Variants in MRPL48 observed in about 807,000 individuals in gnomAD.
MRPL48 encodes large ribosomal subunit protein mL48.
A neutral mutation model predicts 32.9 loss-of-function variants in MRPL48; 16 were observed. The observed-to-expected ratio is 0.49, with a 90% CI of 0.33 to 0.74. The LOEUF is 0.74. MRPL48 is among the 30% of genes least tolerant of loss of function. The probability of loss-of-function intolerance (pLI) is 0.02; values close to 1 mark genes in which losing one functional copy is unlikely to be tolerated. For synonymous variants in MRPL48, 94 were observed against 89.2 expected (o/e 1.05, Z -0.31); for missense variants, 206 against 245.3 (o/e 0.84, Z 1.07).
intron 1 of MRPL48, among the ~76,000 whole-genome samples, chr11:73,795,810 C>G (rs537982527): frequency 6.6e-6 from 1 of 152,060 alleles, no homozygotes; most frequent in African/African-American, 2.4e-5. Flanking sequence ...CCGGCTTATT[C>G]ACTTTTAAAG....
At chr11:73,817,109 G>A (rs1030749994) in intron 3 of MRPL48, among the ~76,000 whole-genome samples, 1 of 152,140 alleles carries the variant, frequency 6.6e-6, no homozygotes, top group African/African-American at 2.4e-5. Context: ...TGGGTTCACA[G>A]GCATGAGCCA....
intron 2 of MRPL48, among the ~76,000 whole-genome samples, chr11:73,805,557 A>T (rs1590940456): frequency 6.6e-6 from 1 of 151,876 alleles, no homozygotes; most frequent in East Asian, 1.9e-4. Context: ...CGGCCTCCCA[A>T]ATTGCTGGAA....
Position 73,859,937 on chromosome 11 carries a change from G to C in MRPL48, c.402G>C (p.Val134=). ...SYAMPTKTIE[V]LQLQDQGSKM... The stretch of plus-strand genomic sequence containing the variant: ...CAATGCCAACCAAAACCATAGAAGT[G>C]TTGCAGTTGCAGGACCAAGGCAGCA... The change falls in exon 6 of 8, where the codon GTG becomes GTC. Residue 134 remains valine, a synonymous_variant. Coordinates refer to ENST00000310614, the MANE Select transcript of MRPL48 (RefSeq NM_016055.6). 6.2e-7 allele frequency: 1 copy of C among 1,613,828 alleles called. No homozygotes were observed. Among genetic ancestry groups the C allele is most frequent in the Non-Finnish European group, 8.5e-7 (1 of 1,179,870 alleles).
At chr11:73,847,635 G>A (rs1948318555) in intron 5 of MRPL48, among the ~76,000 whole-genome samples, 1 of 151,976 alleles carries the variant, frequency 6.6e-6, no homozygotes, top group African/African-American at 2.4e-5. Context: ...TAGTAGAGAC[G>A]GGGTTTCACC....
At chr11:73,835,112 T>A (rs1450698158) in intron 4 of MRPL48, among the ~76,000 whole-genome samples, 2 of 149,200 alleles carry the variant, frequency 1.3e-5, no homozygotes, top group Admixed American at 1.3e-4. Flanking sequence ...GGATTACAGG[T>A]GTGAGCCACT....
chr11:73,809,513 A>G (rs1488024427), intron 3 of MRPL48, among the ~76,000 whole-genome samples: 5 of 152,112 alleles, frequency 3.3e-5, no homozygotes, highest in Non-Finnish European at 7.4e-5. Flanking sequence ...CAAAAAAAAA[A>G]AAAAAAAGAT....
chr11:73,853,891 C>G (rs192010466), intron 5 of MRPL48, among the ~76,000 whole-genome samples: 1 of 151,790 alleles, frequency 6.6e-6, no homozygotes, highest in African/African-American at 2.4e-5. Flanking sequence ...GGGGTTTCAC[C>G]GTGTTAGCCA....
At position 73,859,893 on chromosome 11, in the gene MRPL48, C is replaced by T. The variant is rs766576845; in HGVS notation, c.372-14C>T. Reference sequence around the variant, plus strand: ...CAGTGAACACTCACTATAGCTGACTCTTCCTTCCCACAGTTATGCAATGCC... The same window carrying T: ...CAGTGAACACTCACTATAGCTGACTTTTCCTTCCCACAGTTATGCAATGCC... On this transcript the variant is annotated splice_polypyrimidine_tract_variant and intron_variant, in intron 5 of 7. Coordinates refer to ENST00000310614, the MANE Select transcript of MRPL48 (RefSeq NM_016055.6). 6.2e-7 allele frequency: 1 copy of T among 1,612,244 alleles called. No individual in the cohort carries two copies. Among genetic ancestry groups the T allele is most frequent in the South Asian group, 1.1e-5 (1 of 90,950 alleles).
intron 1 of MRPL48, among the ~76,000 whole-genome samples, chr11:73,789,956 T>C (rs989938147): frequency 6.6e-6 from 1 of 151,896 alleles, no homozygotes; most frequent in Non-Finnish European, 1.5e-5. Context: ...AGTGCAATGG[T>C]GCAGTCATAG....
At chr11:73,810,557 TTA>T (rs142539721) in intron 3 of MRPL48, among the ~76,000 whole-genome samples, 38,547 of 128,634 alleles carry the variant, frequency 0.3, 5,939 homozygotes, top group African/African-American at 0.51. Flanking sequence ...TTTTCTTTCT[TTA>T]TTTTTTTTTT....
chr11:73,859,386 A>G (rs1201717842), intron 5 of MRPL48, among the ~76,000 whole-genome samples: 2 of 151,814 alleles, frequency 1.3e-5, no homozygotes, highest in Non-Finnish European at 2.9e-5. Flanking sequence ...TGTTCAAACA[A>G]TCTGCCCACC....
chr11:73,841,817 AATAAG>A (rs1481768078), intron 4 of MRPL48, among the ~76,000 whole-genome samples: 1 of 152,232 alleles, frequency 6.6e-6, no homozygotes, highest in African/African-American at 2.4e-5. Flanking sequence ...ATTTTAGATT[AATAAG>A]ATATTTACAC....
chr11:73,853,179 A>G (rs56380005), intron 5 of MRPL48, among the ~76,000 whole-genome samples: 12,097 of 152,254 alleles, frequency 0.079, 615 homozygotes, highest in East Asian at 0.18. Context: ...CTAATATTTG[A>G]TAGCACAACA....
chr11:73,843,119 C>G (rs1160823381), intron 4 of MRPL48: 3 of 151,992 alleles, frequency 2.0e-5, no homozygotes, highest in African/African-American at 7.3e-5. Context: ...AGCTATAAGT[C>G]CCTCTCTTTA....
chr11:73,853,020 C>T (rs71479562), intron 5 of MRPL48, among the ~76,000 whole-genome samples: 8,591 of 152,114 alleles, frequency 0.056, 268 homozygotes, highest in Middle Eastern at 0.11. Context: ...TGCATGTTGT[C>T]ATTTATTTGT....
At chr11:73,801,158 G>A (rs1387579461) in intron 1 of MRPL48, among the ~76,000 whole-genome samples, 2 of 152,140 alleles carry the variant, frequency 1.3e-5, no homozygotes, top group Non-Finnish European at 2.9e-5. Flanking sequence ...TAAAACCTTG[G>A]TTATTGTACA....
chr11:73,847,669 C>T (rs887879526), intron 5 of MRPL48, among the ~76,000 whole-genome samples: 50 of 152,142 alleles, frequency 3.3e-4, no homozygotes, highest in Admixed American at 1.2e-3. Flanking sequence ...TGGTCTCAAT[C>T]TCCTGACCTC....
chr11:73,831,784 T>C (rs1947999888), intron 4 of MRPL48, among the ~76,000 whole-genome samples: 1 of 151,400 alleles, frequency 6.6e-6, no homozygotes, highest in South Asian at 2.1e-4. Flanking sequence ...CTACTAAAAA[T>C]GCAAAATTAG....
At chr11:73,859,732 G>A (rs1428089882) in intron 5 of MRPL48, among the ~76,000 whole-genome samples, 175 bp from the exon 6 acceptor site, 6 of 152,122 alleles carry the variant, frequency 3.9e-5, no homozygotes, top group African/African-American at 1.4e-4. Context: ...ATTTGCTTAG[G>A]GAGTTTTGAA....
Sources: allele counts gnomAD v4.1 joint callset (sites outside exome capture counted in the v4.1 genomes callset), GRCh38; gene constraint gnomAD v4.1.1; transcripts MANE v1.5; gene names NCBI Gene and HGNC (gene_info 2026-07-23, HGNC 2026-07-21).